PNOC: variants seen among roughly 807,000 people sequenced by gnomAD.
PNOC encodes nociceptin.
Under a neutral mutation model 15.6 loss-of-function variants are expected in PNOC, and 10 were observed. The ratio of observed to expected loss-of-function variants is 0.64; its 90% CI spans 0.40 to 1.09. PNOC has a LOEUF of 1.09. Ranked by LOEUF, PNOC falls within the 50% of genes least tolerant of loss-of-function variation. The probability of loss-of-function intolerance (pLI) is 0.01; values close to 1 mark genes in which losing one functional copy is unlikely to be tolerated. For missense variants in PNOC, 220 were observed against 223.9 expected, an observed-to-expected ratio of 0.98 and a Z score of 0.11; for synonymous variants, 98 against 88.5, an observed-to-expected ratio of 1.11 and a Z score of -0.60.
chr8:28,334,880 A>G (rs982518870), intron 2 of PNOC, among the ~76,000 whole-genome samples: 1 of 152,144 alleles, frequency 6.6e-6, no homozygotes, highest in African/African-American at 2.4e-5. Context: ...GTTACCTATC[A>G]TTTTTTATAA....
intron 3 of PNOC, chr8:28,340,262 T>G (rs1265393788): frequency 6.6e-6 from 1 of 152,170 alleles, no homozygotes; most frequent in Non-Finnish European, 1.5e-5. Context: ...TTTGTTTTGG[T>G]TTTGTTTGCT....
intron 1 of PNOC, among the ~76,000 whole-genome samples, chr8:28,321,204 A>AC (rs1801146658): frequency 9.3e-6 from 1 of 107,430 alleles, no homozygotes; most frequent in South Asian, 3.5e-4. Context: ...ACACCTAGCT[A>AC]AATTTTTTTT....
chr8:28,335,106 C>T (rs535249107), intron 2 of PNOC, among the ~76,000 whole-genome samples: 102 of 152,348 alleles, frequency 6.7e-4, no homozygotes, highest in African/African-American at 2.4e-3. Flanking sequence ...GAAACCCTGC[C>T]AGGGAAGGAA....
rs1801469812 is a variant in PNOC, at chr8:28,339,252, T to A, written c.339T>A (p.Pro113=). Reference sequence around the variant, plus strand: ...TCCAGGAGCAGGAAGAGCCCGAGCCTGGCATGGAGGAGGCTGGTGAGATGG... The same window carrying A: ...TCCAGGAGCAGGAAGAGCCCGAGCCAGGCATGGAGGAGGCTGGTGAGATGG... ...SLFQEQEEPE[P]GMEEAGEMEQ... The change falls in exon 3 of 4, where the codon CCT becomes CCA. Residue 113 remains proline, a synonymous_variant. Coordinates refer to ENST00000301908, the MANE Select transcript of PNOC (RefSeq NM_006228.5). The A allele has an allele frequency of 6.2e-7, 1 of 1,608,912 alleles. No homozygotes were observed. Among genetic ancestry groups the A allele is most frequent in the Admixed American group, 1.7e-5 (1 of 59,886 alleles).
At chr8:28,332,626 A>G (rs903318298) in intron 2 of PNOC, among the ~76,000 whole-genome samples, 3 of 152,204 alleles carry the variant, frequency 2.0e-5, no homozygotes, top group Non-Finnish European at 2.9e-5. Context: ...AACCAATCCC[A>G]AGAAAGAGTG....
intron 1 of PNOC, 63 bp from the exon 2 acceptor site, chr8:28,329,072 T>G: frequency 6.5e-7 from 1 of 1,536,866 alleles, no homozygotes; most frequent in South Asian, 1.1e-5. Context: ...GGGTTAGGTC[T>G]CTGGCCCTGA....
rs1421822819 is a variant in PNOC, at chr8:28,339,227, T to C, written c.314T>C (p.Phe105Ser). Residue 105 changes from phenylalanine (F) to serine (S), a missense_variant, in exon 3 of 4, where the codon TTC (phenylalanine) becomes TCC (serine). Physicochemically the swap from Phe to Ser is radical, Grantham distance 155 (BLOSUM62 -2). Transcript: ENST00000301908. ...CGAATGCCCCGAGTCCGGAGCTTGT[T>C]CCAGGAGCAGGAAGAGCCCGAGCCT... ...LRRMPRVRSL[F>S]QEQEEPEPGM... is the part of the protein sequence containing the mutation. The C allele has an allele frequency of 6.2e-7, 1 of 1,611,924 alleles. No individual in the cohort carries two copies. The highest frequency in any genetic ancestry group is 8.5e-7 in the Non-Finnish European group (1 of 1,178,150).
In PNOC at chr8:28,339,250, C is replaced by A. The variant is rs1224565750; in HGVS notation, c.337C>A (p.Pro113Thr). Residue 113 changes from proline (P) to threonine (T), a missense_variant, in exon 3 of 4, where the codon CCT becomes ACT. Coordinates refer to ENST00000301908, the MANE Select transcript of PNOC (RefSeq NM_006228.5). ...GTTCCAGGAGCAGGAAGAGCCCGAG[C>A]CTGGCATGGAGGAGGCTGGTGAGAT... ...SLFQEQEEPE[P>T]GMEEAGEMEQ... The A allele has an allele frequency of 3.1e-6, 5 of 1,609,634 alleles. No homozygotes were observed. The highest frequency in any genetic ancestry group is 1.7e-5 in the Admixed American group (1 of 59,904).
intron 2 of PNOC, among the ~76,000 whole-genome samples, chr8:28,331,259 G>A (rs551922058): frequency 7.2e-5 from 11 of 152,234 alleles, no homozygotes; most frequent in Non-Finnish European, 1.5e-4. Context: ...ATAGTCTACA[G>A]TTGGCCCTCG....
At chr8:28,330,763 T>C (rs1162417961) in intron 2 of PNOC, among the ~76,000 whole-genome samples, 3 of 151,974 alleles carry the variant, frequency 2.0e-5, no homozygotes, top group Non-Finnish European at 4.4e-5. Flanking sequence ...ACCAAAATGC[T>C]CTCTTATATT....
In PNOC at chr8:28,343,043, G is replaced by A. The variant is rs1372162273; in HGVS notation, c.*149G>A. 1.1e-5 allele frequency: 11 copies of A among 979,284 alleles called. No individual in the cohort carries two copies. Among genetic ancestry groups the A allele is most frequent in the East Asian group, 2.3e-4 (2 of 8,800 alleles). The allele number at this position is 979,284 out of a possible 1,614,324, so 60.7% of individuals were successfully genotyped here. A position where few individuals can be genotyped will look rare whatever the true frequency, so the allele number is the denominator to read the frequency against. ...AAGGCACTGAGCGCCTGCAGATCCC[G>A]CAGGCTTCGTTTGCCTCCAGAACCT... On this transcript the variant is annotated 3_prime_UTR_variant, in exon 4 of 4. Transcript: ENST00000301908.
chr8:28,323,765 T>A lies in PNOC; in HGVS notation c.-23-5370T>A, dbSNP rs80075136. Among the ~76,000 whole-genome samples, 11 of 152,354 alleles carry A rather than the reference T, an allele frequency of 7.2e-5. No homozygotes were observed. The East Asian group carries it at 2.1e-3, about 29-fold the overall frequency. On this transcript the variant is annotated intron_variant, in intron 1 of 3. Transcript: ENST00000301908. ...AAAACATCTACTGAGTTTTCAAAGT[T>A]CAAAATCTGATTTAACCTAGAACAC...
At chr8:28,328,568 G>A (rs1801264858) in intron 1 of PNOC, among the ~76,000 whole-genome samples, 1 of 152,118 alleles carries the variant, frequency 6.6e-6, no homozygotes, top group Non-Finnish European at 1.5e-5. Flanking sequence ...CCAGGAGGAT[G>A]AAAGGAAGCA....
intron 1 of PNOC, among the ~76,000 whole-genome samples, chr8:28,318,949 A>G (rs1449646089): frequency 6.6e-6 from 1 of 152,242 alleles, no homozygotes; most frequent in African/African-American, 2.4e-5. Context: ...GCCTATGACA[A>G]GAGCTGTCAC....
chr8:28,327,763 G>T (rs902923181), intron 1 of PNOC, among the ~76,000 whole-genome samples: 1 of 151,986 alleles, frequency 6.6e-6, no homozygotes, highest in African/African-American at 2.4e-5. Context: ...TGATCCACCT[G>T]CCTCAGCCTC....
intron 1 of PNOC, among the ~76,000 whole-genome samples, chr8:28,326,710 A>C (rs1032356016): frequency 2.6e-5 from 4 of 152,150 alleles, no homozygotes; most frequent in African/African-American, 4.8e-5. Context: ...AAATACAAAA[A>C]TTAGCCAGGT....
intron 2 of PNOC, among the ~76,000 whole-genome samples, chr8:28,330,386 A>ATTTTTTTTTTTT: frequency 1.7e-5 from 1 of 59,788 alleles, no homozygotes; most frequent in South Asian, 4.7e-4. Flanking sequence ...ATTTTATTTT[A>ATTTTTTTTTTTT]TTTTATTTTA....
Position 28,319,703 on chromosome 8 carries a change from C to G in PNOC, c.-24+2387C>G, listed in dbSNP as rs112868863. Among the ~76,000 whole-genome samples the G allele has an allele frequency of 3.7e-3, 562 of 152,276 alleles. 3 individuals carry two copies. The highest frequency in any genetic ancestry group is 0.013 in the African/African-American group (524 of 41,554). ...GTTCAGTGATCCCTCATTTCTCCAT[C>G]CAGCTCCACAGCTCCCAAAGCCCAC... is the stretch of plus-strand genomic sequence containing the variant. On this transcript the variant is annotated intron_variant, in intron 1 of 3. Coordinates refer to ENST00000301908, the MANE Select transcript of PNOC (RefSeq NM_006228.5).
intron 2 of PNOC, among the ~76,000 whole-genome samples, chr8:28,332,487 G>A (rs1272932363): frequency 6.6e-6 from 1 of 152,042 alleles, no homozygotes; most frequent in Non-Finnish European, 1.5e-5. Flanking sequence ...AATTTTTATT[G>A]GTAAATGACT....
Sources: gnomAD v4.1 joint callset for allele counts (sites outside exome capture counted in the v4.1 genomes callset) on GRCh38, gnomAD v4.1.1 for gene constraint, MANE v1.5 for transcripts, NCBI Gene and HGNC (gene_info 2026-07-23, HGNC 2026-07-21) for gene names.